Variants in CYRIA observed in about 807,000 individuals in gnomAD.
CYRIA encodes CYFIP related Rac1 interactor A.
In CYRIA, 15 loss-of-function variants were observed where a neutral mutation model predicts 43.9. The observed-to-expected ratio is 0.34, with a 90% CI of 0.23 to 0.53. The LOEUF (loss-of-function observed/expected upper bound fraction) is 0.53. Among genes scored for constraint, CYRIA ranks in the 20% least tolerant of loss-of-function variants. The pLI, the probability that CYRIA is intolerant of heterozygous loss-of-function variation, is 0.94. For synonymous variants in CYRIA, 117 were observed against 136.0 expected, an observed-to-expected ratio of 0.86 and a Z score of 0.97; for missense variants, 236 against 394.2, an observed-to-expected ratio of 0.60 and a Z score of 3.40.
chr2:16,641,525 C>G (rs1351123358), intron 1 of CYRIA, among the ~76,000 whole-genome samples: 1 of 152,220 alleles, frequency 6.6e-6, no homozygotes, highest in Non-Finnish European at 1.5e-5. Context: ...GTCCTCTGAA[C>G]TCTCATAATT....
intron 3 of CYRIA, among the ~76,000 whole-genome samples, chr2:16,582,919 C>T (rs1044265287): frequency 1.3e-5 from 2 of 152,064 alleles, no homozygotes; most frequent in African/African-American, 4.8e-5. Context: ...TATGTTTAAA[C>T]TTTTGAAGAA....
chr2:16,579,942 T>C (rs1667491099), intron 3 of CYRIA, among the ~76,000 whole-genome samples: 1 of 150,688 alleles, frequency 6.6e-6, no homozygotes, highest in South Asian at 2.1e-4. Context: ...AAGTATTCAA[T>C]TAAAAGGAAG....
chr2:16,634,532 GA>G (rs1669433629), intron 1 of CYRIA, among the ~76,000 whole-genome samples: 1 of 152,216 alleles, frequency 6.6e-6, no homozygotes, highest in African/African-American at 2.4e-5. Context: ...GAAAGACTGT[GA>G]AAAGAAACTT....
chr2:16,662,681 G>A (rs1281423110), intron 1 of CYRIA, among the ~76,000 whole-genome samples: 2 of 152,166 alleles, frequency 1.3e-5, no homozygotes, highest in Admixed American at 6.5e-5. Context: ...CCCCTACCCT[G>A]CTCACAAGGG....
intron 3 of CYRIA, among the ~76,000 whole-genome samples, chr2:16,583,602 G>C (rs1298278355): frequency 1.3e-5 from 2 of 152,190 alleles, no homozygotes; most frequent in Admixed American, 6.5e-5. Flanking sequence ...TGCCCAAGTT[G>C]GGTGCCATAA....
chr2:16,603,589 C>T (rs1173869091), intron 2 of CYRIA, among the ~76,000 whole-genome samples: 1 of 152,170 alleles, frequency 6.6e-6, no homozygotes, highest in East Asian at 1.9e-4. Context: ...AAAACAAAAG[C>T]CACTCTTCTG....
rs1178511353 is a variant in CYRIA, at chr2:16,650,052, CAGGTTCCAGAATGAGA to C, written c.-167+15712_-167+15727del. Among the ~76,000 whole-genome samples the C allele has an allele frequency of 6.6e-6, 1 of 152,174 alleles. No homozygotes were observed. The highest frequency in any genetic ancestry group is 2.4e-5 in the African/African-American group (1 of 41,440). On this transcript the variant is annotated intron_variant, in intron 1 of 11. Transcript: ENST00000381323. The surrounding 1 kb of genome is among the most constrained non-coding windows in gnomAD (Gnocchi z 4.1). ...CCAAGAAGCACACACCCCCTCAGCC[CAGGTTCCAGAATGAGA>C]AGAAATGTACACCAGTGCCACAGAA...
At chr2:16,569,565 C>G (rs924504230) in intron 3 of CYRIA, among the ~76,000 whole-genome samples, 1 of 152,166 alleles carries the variant, frequency 6.6e-6, no homozygotes, top group East Asian at 1.9e-4. Context: ...GCCTTCTGGG[C>G]CAGAGTGCCA....
At chr2:16,622,265 C>A (rs910654370) in intron 2 of CYRIA, among the ~76,000 whole-genome samples, 3 of 152,140 alleles carry the variant, frequency 2.0e-5, no homozygotes, top group African/African-American at 7.2e-5. Context: ...AGTAGTAGTT[C>A]TAACTTTGGG....
At chr2:16,556,124 C>A (rs1003055615) in intron 10 of CYRIA, among the ~76,000 whole-genome samples, 4 of 152,080 alleles carry the variant, frequency 2.6e-5, no homozygotes, top group Non-Finnish European at 5.9e-5. Flanking sequence ...CTTAGGGCCC[C>A]TTTTGTAACA....
chr2:16,622,800 A>G (rs1391867678), intron 2 of CYRIA: 2 of 152,254 alleles, frequency 1.3e-5, no homozygotes, highest in Non-Finnish European at 2.9e-5. Flanking sequence ...CTCTAGAGAA[A>G]GAAACCACAA....
Position 16,564,108 on chromosome 2 carries a change from G to A in CYRIA, c.193-14C>T. 1 of 1,600,406 alleles carries A rather than the reference G, an allele frequency of 6.2e-7. No individual in the cohort carries two copies. The highest frequency in any genetic ancestry group is 1.3e-5 in the African/African-American group (1 of 74,648). ...ATTTTGAATTGCCTGCAAAAACACA[G>A]TAGAGCTGACTGTTTAAAAAGAAGT... On this transcript the variant is annotated splice_polypyrimidine_tract_variant and intron_variant, in intron 4 of 11. Transcript: ENST00000381323.
intron 3 of CYRIA, among the ~76,000 whole-genome samples, chr2:16,576,644 T>C (rs912358770): frequency 6.6e-6 from 1 of 152,230 alleles, no homozygotes; most frequent in Non-Finnish European, 1.5e-5. Flanking sequence ...TGTTGGTCAT[T>C]ATGTCTGCCT....
rs111527935 is a variant in CYRIA at position 16,622,902 on chromosome 2, G to A, written c.-11+962C>T. The A allele has an allele frequency of 3.9e-5, 6 of 152,296 alleles. 1 individual carries two copies. Among genetic ancestry groups the A allele is most frequent in the African/African-American group, 1.4e-4 (6 of 41,562 alleles). 9.4% of individuals were successfully genotyped at this position (152,296 alleles called of 1,614,324 possible). On this transcript the variant is annotated intron_variant, in intron 2 of 11. Transcript: ENST00000381323. ...CAAGTCTGGGATAAGACAATCCTGG[G>A]AATGCAAAACAAGCTTTAGATATCA...
At chr2:16,636,904 A>G (rs544400652) in intron 1 of CYRIA, among the ~76,000 whole-genome samples, 82 of 152,276 alleles carry the variant, frequency 5.4e-4, no homozygotes, top group African/African-American at 1.4e-3. Context: ...TGAGCCTGGG[A>G]AGTTGAGGCT....
rs141492112 is a variant in CYRIA at position 16,640,127 on chromosome 2, G to GCACA, written c.-166-16112_-166-16109dup. On this transcript the variant is annotated intron_variant, in intron 1 of 11. Transcript: ENST00000381323. ...CACACCCGCATGCATGCGCCTGCAC[G>GCACA]CACACACACACATCCTTGCAAAAAG... Among the ~76,000 whole-genome samples, 2 of 152,070 alleles carry GCACA rather than the reference G, an allele frequency of 1.3e-5. 1 individual carries two copies. The highest frequency in any genetic ancestry group is 4.1e-4 in the South Asian group (2 of 4,826).
At chr2:16,641,248 T>C (rs553445697) in intron 1 of CYRIA, among the ~76,000 whole-genome samples, 81 of 152,256 alleles carry the variant, frequency 5.3e-4, no homozygotes, top group African/African-American at 1.4e-3. Context: ...CAGCTTCTAT[T>C]TTCTAAGGCC....
intron 1 of CYRIA, among the ~76,000 whole-genome samples, chr2:16,631,344 T>C (rs1228077077): frequency 4.6e-5 from 7 of 152,018 alleles, no homozygotes; most frequent in Non-Finnish European, 8.8e-5. Context: ...CTGAGGGCAG[T>C]GAATAGCCCA....
At chr2:16,553,032 C>A (rs1481379822) in intron 11 of CYRIA, 33 bp from the exon 12 acceptor site, 6 of 1,338,370 alleles carry the variant, frequency 4.5e-6, no homozygotes, top group Non-Finnish European at 6.5e-6. Flanking sequence ...AGGTTAGCGG[C>A]AAACAGTGCT....
Sources: gnomAD v4.1 joint callset for allele counts (sites outside exome capture counted in the v4.1 genomes callset) on GRCh38, gnomAD v4.1.1 for gene constraint, Gnocchi (gnomAD v3.1) non-coding constraint, MANE v1.5 for transcripts, NCBI Gene and HGNC (gene_info 2026-07-23, HGNC 2026-07-21) for gene names.